PRDM6: variants seen among roughly 807,000 people sequenced by gnomAD.
PRDM6 encodes PR/SET domain 6.
In PRDM6, 25 loss-of-function variants were observed where a neutral mutation model predicts 60.8. The observed-to-expected ratio is 0.41, with a 90% CI of 0.30 to 0.57. The LOEUF (loss-of-function observed/expected upper bound fraction) is 0.57. Among genes scored for constraint, PRDM6 ranks in the 20% least tolerant of loss-of-function variants. The probability of loss-of-function intolerance (pLI) is 0.27; values close to 1 mark genes in which losing one functional copy is unlikely to be tolerated. For synonymous variants in PRDM6, 407 were observed against 357.4 expected (o/e 1.14, Z -1.57); for missense variants, 839 against 821.3 (o/e 1.02, Z -0.26).
intron 3 of PRDM6, among the ~76,000 whole-genome samples, chr5:123,138,374 A>G (rs1561844281): frequency 6.6e-6 from 1 of 152,246 alleles, no homozygotes; most frequent in East Asian, 1.9e-4. Flanking sequence ...AATGGTTCTG[A>G]TAGCAGGTTA....
At position 123,187,415 on chromosome 5, in the gene PRDM6, T is replaced by C. The variant is rs1766313851; in HGVS notation, c.*214T>C. The C allele has an allele frequency of 5.2e-6, 2 of 384,004 alleles. No individual in the cohort carries two copies. The highest frequency in any genetic ancestry group is 5.1e-5 in the East Asian group (1 of 19,656). The allele number at this position is 384,004 out of a possible 1,614,324, so 23.8% of individuals were successfully genotyped here. A position where few individuals can be genotyped will look rare whatever the true frequency, so the allele number is the denominator to read the frequency against. ...TTATTTATGACTTAGGGATGAGACT[T>C]ATTTCAGTGGACAACTAACCTGGGA... On this transcript the variant is annotated 3_prime_UTR_variant, in exon 8 of 8. Coordinates refer to ENST00000407847, the MANE Select transcript of PRDM6 (RefSeq NM_001136239.4).
chr5:123,140,777 G>A (rs1341279936), intron 3 of PRDM6, among the ~76,000 whole-genome samples: 1 of 152,116 alleles, frequency 6.6e-6, no homozygotes. Context: ...TTCTTCTGGT[G>A]CATAGGATTG....
rs184415654 is a variant in PRDM6 at position 123,093,318 on chromosome 5, T to C, written c.592+2712T>C. The stretch of plus-strand genomic sequence containing the variant: ...CCTTCCCTTTAGCAAAGTAACTTTT[T>C]GCCTAGGATCAGCAATACATATCAT... On this transcript the variant is annotated intron_variant, in intron 2 of 7. Coordinates refer to ENST00000407847, the MANE Select transcript of PRDM6 (RefSeq NM_001136239.4). Among the ~76,000 whole-genome samples, 42 of 152,304 alleles carry C rather than the reference T, an allele frequency of 2.8e-4. No individual in the cohort carries two copies. The East Asian group carries it at 7.9e-3, about 29-fold the overall frequency.
intron 3 of PRDM6, among the ~76,000 whole-genome samples, chr5:123,150,447 A>G (rs182050435): frequency 6.6e-6 from 1 of 152,340 alleles, no homozygotes; most frequent in Admixed American, 6.5e-5. Flanking sequence ...TAGCAATAAA[A>G]GAAATCTGGT....
chr5:123,108,890 A>G (rs335145), intron 3 of PRDM6, among the ~76,000 whole-genome samples: 42,680 of 151,950 alleles, frequency 0.28, 6,680 homozygotes, highest in East Asian at 0.51. Flanking sequence ...CATCTTGGAA[A>G]TTGCAACCAA....
rs1763812000 is a variant in PRDM6, at chr5:123,090,613, A to T, written c.592+7A>T. ...ACCAGCGACCCCAACAACCGTACGT[A>T]GCCGCAGCCCGCGCGCTCTCTCCCG... On this transcript the variant is annotated splice_region_variant and intron_variant, in intron 2 of 7. Transcript: ENST00000407847. 1.1e-5 allele frequency: 16 copies of T among 1,456,184 alleles called. No individual in the cohort carries two copies. The highest frequency in any genetic ancestry group is 1.4e-5 in the Non-Finnish European group (16 of 1,106,380). The allele number at this position is 1,456,184 out of a possible 1,614,324, so 90.2% of individuals were successfully genotyped here. A position where few individuals can be genotyped will look rare whatever the true frequency, so the allele number is the denominator to read the frequency against.
At chr5:123,184,941 TCA>T (rs1002442582) in intron 7 of PRDM6, among the ~76,000 whole-genome samples, 8 of 152,198 alleles carry the variant, frequency 5.3e-5, no homozygotes, top group African/African-American at 1.9e-4. Context: ...GTATTTTTAC[TCA>T]CACTTGGTGT....
intron 3 of PRDM6, among the ~76,000 whole-genome samples, chr5:123,110,089 A>T (rs1764276011): frequency 6.6e-6 from 1 of 152,208 alleles, no homozygotes; most frequent in Non-Finnish European, 1.5e-5. Flanking sequence ...ACAGTATATC[A>T]TGCAAATTCT....
At chr5:123,164,640 C>G (rs1286069223) in intron 5 of PRDM6, among the ~76,000 whole-genome samples, 1 of 152,168 alleles carries the variant, frequency 6.6e-6, no homozygotes, top group Non-Finnish European at 1.5e-5. Flanking sequence ...GAAGGCAGCA[C>G]CCACTAAAAA....
chr5:123,147,183 A>T (rs1360586527), intron 3 of PRDM6, among the ~76,000 whole-genome samples: 1 of 152,134 alleles, frequency 6.6e-6, no homozygotes, highest in East Asian at 1.9e-4. Flanking sequence ...TTAATTAAAG[A>T]TAGATTTTTA....
At chr5:123,137,579 A>T (rs1487093655) in intron 3 of PRDM6, among the ~76,000 whole-genome samples, 1 of 152,140 alleles carries the variant, frequency 6.6e-6, no homozygotes, top group Non-Finnish European at 1.5e-5. Flanking sequence ...CGTAAGTGGG[A>T]GTTGAACAAT....
intron 3 of PRDM6, among the ~76,000 whole-genome samples, chr5:123,155,440 G>T (rs1436551571): frequency 6.6e-6 from 1 of 151,740 alleles, no homozygotes; most frequent in Non-Finnish European, 1.5e-5. Context: ...GTGTCGCCCA[G>T]CCTGTTGAAC....
chr5:123,138,033 G>A (rs34695021), intron 3 of PRDM6, among the ~76,000 whole-genome samples: 3 of 151,524 alleles, frequency 2.0e-5, no homozygotes, highest in South Asian at 2.1e-4. Context: ...GTTCACCCCC[G>A]CACCTTTCAA....
At chr5:123,150,156 A>G (rs1032898583) in intron 3 of PRDM6, among the ~76,000 whole-genome samples, 9 of 152,098 alleles carry the variant, frequency 5.9e-5, no homozygotes, top group South Asian at 2.1e-4. Flanking sequence ...TGGTTTTTAT[A>G]TCAGCTCTTT....
At position 123,188,641 on chromosome 5, in the gene PRDM6, C is replaced by T. The variant is rs1274113159; in HGVS notation, c.*1440C>T. On this transcript the variant is annotated 3_prime_UTR_variant, in exon 8 of 8. Coordinates refer to ENST00000407847, the MANE Select transcript of PRDM6 (RefSeq NM_001136239.4). Reference sequence around the variant, plus strand: ...TTTCTGTTTGTAAATTTCATCATCACCTGATATCAGGACACAGTCTTTTAA... The same window carrying T: ...TTTCTGTTTGTAAATTTCATCATCATCTGATATCAGGACACAGTCTTTTAA... 6.6e-6 allele frequency: 1 copy of T among 152,152 alleles called. No homozygotes were observed. The highest frequency in any genetic ancestry group is 1.5e-5 in the Non-Finnish European group (1 of 68,020). 9.4% of individuals were successfully genotyped at this position (152,152 alleles called of 1,614,324 possible).
intron 4 of PRDM6, among the ~76,000 whole-genome samples, chr5:123,158,739 C>T (rs1476995631): frequency 6.6e-6 from 1 of 150,708 alleles, no homozygotes; most frequent in African/African-American, 2.4e-5. Flanking sequence ...GGCCCACCAA[C>T]CCTACACACT....
chr5:123,175,019 TG>T (rs1580539092), intron 6 of PRDM6, among the ~76,000 whole-genome samples: 1 of 151,256 alleles, frequency 6.6e-6, no homozygotes. Flanking sequence ...TATAAACATT[TG>T]GGGTTTTGCA....
intron 3 of PRDM6, among the ~76,000 whole-genome samples, chr5:123,130,080 CT>C: frequency 8.5e-6 from 1 of 117,426 alleles, no homozygotes. Flanking sequence ...CCTTCCTTTC[CT>C]TTCTATTCCC....
At chr5:123,100,382 C>G (rs1432845317) in intron 3 of PRDM6, among the ~76,000 whole-genome samples, 2 of 152,176 alleles carry the variant, frequency 1.3e-5, no homozygotes, top group African/African-American at 4.8e-5. Flanking sequence ...CCAAGCACTT[C>G]CAGTGTGTTT....
Sources: allele counts gnomAD v4.1 joint callset (sites outside exome capture counted in the v4.1 genomes callset), GRCh38; gene constraint gnomAD v4.1.1; transcripts MANE v1.5; gene names NCBI Gene and HGNC (gene_info 2026-07-23, HGNC 2026-07-21).